The following MAGI2 variants were observed in gnomAD, a reference collection of about 807,000 sequenced individuals.
The protein encoded by MAGI2 is membrane-associated guanylate kinase, WW and PDZ domain-containing protein 2.
A neutral mutation model predicts 133.3 loss-of-function variants in MAGI2; 35 were observed. That is an observed-to-expected ratio of 0.26 (90% CI 0.20 to 0.35). The LOEUF (loss-of-function observed/expected upper bound fraction) is 0.35. Ranked by LOEUF, MAGI2 falls within the 10% of genes least tolerant of loss-of-function variation. The pLI is 1.00. For synonymous variants in MAGI2, 729 were observed against 710.6 expected, an observed-to-expected ratio of 1.03 and a Z score of -0.41; for missense variants, 1,636 against 1,863.4, an observed-to-expected ratio of 0.88 and a Z score of 2.25.
intron 10 of MAGI2, among the ~76,000 whole-genome samples, chr7:78,251,058 C>G (rs1792334918): frequency 6.6e-6 from 1 of 151,950 alleles, no homozygotes; most frequent in Admixed American, 6.6e-5. Flanking sequence ...GGTTGTTATC[C>G]CAGGAACATT....
chr7:79,310,194 A>AAG (rs71095394), intron 1 of MAGI2, among the ~76,000 whole-genome samples: 28 of 93,098 alleles, frequency 3.0e-4, no homozygotes, highest in African/African-American at 9.2e-4. Flanking sequence ...AAAAAAAAAA[A>AAG]AGAGAGAGAG....
chr7:79,166,024 T>C (rs1211454319), intron 1 of MAGI2, among the ~76,000 whole-genome samples: 2 of 151,986 alleles, frequency 1.3e-5, no homozygotes, highest in Admixed American at 6.6e-5. Context: ...AAAATCTTTG[T>C]TGGTTTGAAT....
intron 3 of MAGI2, among the ~76,000 whole-genome samples, chr7:78,613,681 TAAAAG>T (rs1239171221): frequency 1.3e-5 from 2 of 152,050 alleles, no homozygotes; most frequent in African/African-American, 4.8e-5. Context: ...AGCTAAATAT[TAAAAG>T]AAAGAAAAAT....
intron 2 of MAGI2, among the ~76,000 whole-genome samples, chr7:78,838,497 A>G (rs990410215): frequency 8.3e-6 from 1 of 120,786 alleles, no homozygotes; most frequent in Non-Finnish European, 1.7e-5. Flanking sequence ...AAATAAAAGC[A>G]TTATGTGTGT....
At chr7:78,750,834 G>A (rs1354133304) in intron 2 of MAGI2, among the ~76,000 whole-genome samples, 2 of 152,148 alleles carry the variant, frequency 1.3e-5, no homozygotes, top group African/African-American at 4.8e-5. Flanking sequence ...ATATACGACA[G>A]ATATAATGAA....
intron 9 of MAGI2, among the ~76,000 whole-genome samples, chr7:78,315,734 T>A (rs1787345172): frequency 6.6e-6 from 1 of 152,214 alleles, no homozygotes; most frequent in Non-Finnish European, 1.5e-5. Flanking sequence ...AAATTAGAGC[T>A]TCTTTACTGT....
intron 2 of MAGI2, among the ~76,000 whole-genome samples, chr7:78,721,586 T>C (rs1158385160): frequency 2.6e-5 from 4 of 152,026 alleles, no homozygotes; most frequent in Non-Finnish European, 5.9e-5. Context: ...TATCTTGAAA[T>C]TAAATTCAGT....
intron 2 of MAGI2, among the ~76,000 whole-genome samples, chr7:78,702,544 T>C (rs1205318375): frequency 2.0e-5 from 3 of 151,970 alleles, no homozygotes; most frequent in Non-Finnish European, 4.4e-5. Flanking sequence ...TTAATACATG[T>C]GAAATAATTA....
At chr7:78,336,373 C>T (rs1789763132) in intron 9 of MAGI2, among the ~76,000 whole-genome samples, 1 of 152,050 alleles carries the variant, frequency 6.6e-6, no homozygotes. Flanking sequence ...AGGTAGCGAC[C>T]ACTGAAAGAG....
chr7:78,613,511 T>C (rs771294628), intron 3 of MAGI2, among the ~76,000 whole-genome samples: 12 of 152,190 alleles, frequency 7.9e-5, no homozygotes, highest in South Asian at 2.1e-4. Context: ...AGTTGAACTA[T>C]AGTAGAGAAT....
At chr7:79,101,597 G>A (rs1258715554) in intron 1 of MAGI2, among the ~76,000 whole-genome samples, 3 of 151,566 alleles carry the variant, frequency 2.0e-5, no homozygotes, top group African/African-American at 7.3e-5. Flanking sequence ...GGTGGCGGGC[G>A]CCCGTAGTCC....
rs145107542 is a variant in MAGI2 at position 79,370,775 on chromosome 7, C to G, written c.301+82245G>C. Among the ~76,000 whole-genome samples the G allele has an allele frequency of 1.9e-3, 294 of 152,022 alleles. 1 individual carries two copies. Among genetic ancestry groups the G allele is most frequent in the African/African-American group, 6.8e-3 (281 of 41,490 alleles). On this transcript the variant is annotated intron_variant, in intron 1 of 21. Coordinates refer to ENST00000354212, the MANE Select transcript of MAGI2 (RefSeq NM_012301.4). The stretch of plus-strand genomic sequence containing the variant: ...CCTTAACAGAATAACCCAATCTTCA[C>G]GCTATTGCCTCAAATTAGAAAGCAT...
At chr7:79,234,941 T>C (rs1381200153) in intron 1 of MAGI2, among the ~76,000 whole-genome samples, 2 of 152,056 alleles carry the variant, frequency 1.3e-5, no homozygotes, top group African/African-American at 4.8e-5. Flanking sequence ...ACTTTTGGTC[T>C]TTGATGATGG....
chr7:78,862,626 C>T (rs1352194542), intron 2 of MAGI2, among the ~76,000 whole-genome samples: 1 of 152,212 alleles, frequency 6.6e-6, no homozygotes, highest in African/African-American at 2.4e-5. Flanking sequence ...TTCCTAACCA[C>T]TCATGTTCTC....
intron 3 of MAGI2, among the ~76,000 whole-genome samples, chr7:78,620,001 C>T (rs1005106303): frequency 2.0e-5 from 3 of 151,762 alleles, no homozygotes; most frequent in African/African-American, 7.3e-5. Context: ...AACAGCTGGA[C>T]CCTTTTAACT....
At chr7:78,934,721 G>A (rs1386126751) in intron 2 of MAGI2, among the ~76,000 whole-genome samples, 2 of 152,010 alleles carry the variant, frequency 1.3e-5, no homozygotes, top group Admixed American at 1.3e-4. Context: ...ATCTCACTAT[G>A]TGCATGCAAC....
At chr7:79,021,239 T>G (rs2079956) in intron 1 of MAGI2, among the ~76,000 whole-genome samples, 89,059 of 152,076 alleles carry the variant, frequency 0.59, 26,407 homozygotes, top group East Asian at 0.63. Context: ...GAAATGTGGG[T>G]TTGGAGCCCC....
intron 1 of MAGI2, among the ~76,000 whole-genome samples, chr7:79,011,506 T>C (rs1808086352): frequency 6.6e-6 from 1 of 152,162 alleles, no homozygotes; most frequent in Non-Finnish European, 1.5e-5. Flanking sequence ...CACTCAGACA[T>C]GACCATCAGC....
At chr7:79,189,914 A>G (rs1827504584) in intron 1 of MAGI2, among the ~76,000 whole-genome samples, 1 of 151,902 alleles carries the variant, frequency 6.6e-6, no homozygotes, top group South Asian at 2.1e-4. Flanking sequence ...ACTTAGTAAT[A>G]TGCACTTAAG....
Sources: allele counts gnomAD v4.1 joint callset (sites outside exome capture counted in the v4.1 genomes callset), GRCh38; gene constraint gnomAD v4.1.1; transcripts MANE v1.5; gene names NCBI Gene and HGNC (gene_info 2026-07-23, HGNC 2026-07-21).